OLFM3: variants seen among roughly 807,000 people sequenced by gnomAD.
OLFM3 encodes olfactomedin 3.
Under a neutral mutation model 48.6 loss-of-function variants are expected in OLFM3, and 20 were observed. The ratio of observed to expected loss-of-function variants is 0.41; its 90% CI spans 0.29 to 0.60. The LOEUF is 0.60. OLFM3 is among the 20% of genes least tolerant of loss of function. The pLI is 0.28. For missense variants in OLFM3, 437 were observed against 544.3 expected (o/e 0.80, Z 1.96); for synonymous variants, 222 against 198.1 (o/e 1.12, Z -1.01).
intron 1 of OLFM3, among the ~76,000 whole-genome samples, chr1:101,853,553 A>T (rs1656302379): frequency 6.6e-6 from 1 of 152,070 alleles, no homozygotes; most frequent in African/African-American, 2.4e-5. Flanking sequence ...TGGTTTCTTT[A>T]CTGGGGTATT....
intron 1 of OLFM3, among the ~76,000 whole-genome samples, chr1:101,942,939 T>C (rs995360513): frequency 1.3e-5 from 2 of 152,186 alleles, no homozygotes; most frequent in African/African-American, 4.8e-5. Flanking sequence ...ATTCTATTTA[T>C]TTCATTTTAC....
chr1:101,990,968 G>C (rs1399189149), intron 1 of OLFM3, among the ~76,000 whole-genome samples: 1 of 112,420 alleles, frequency 8.9e-6, no homozygotes, highest in Non-Finnish European at 1.7e-5. Flanking sequence ...CTGGGCGACA[G>C]AGCGAGACTC....
intron 1 of OLFM3, among the ~76,000 whole-genome samples, chr1:101,930,807 G>A (rs1435860508): frequency 1.3e-5 from 2 of 152,180 alleles, no homozygotes; most frequent in Non-Finnish European, 2.9e-5. Context: ...TTTACCCAGG[G>A]TGGACAGTTA....
At chr1:101,866,437 T>A (rs1031810326) in intron 1 of OLFM3, among the ~76,000 whole-genome samples, 1 of 152,044 alleles carries the variant, frequency 6.6e-6, no homozygotes, top group African/African-American at 2.4e-5. Flanking sequence ...TAAAAATACA[T>A]AATGCCACAT....
intron 3 of OLFM3, among the ~76,000 whole-genome samples, chr1:101,828,069 T>TCTCTCTCTCTCTCG (rs1654969358): frequency 6.6e-6 from 1 of 151,520 alleles, no homozygotes; most frequent in African/African-American, 2.4e-5. Flanking sequence ...TCTCTCTGTC[T>TCTCTCTCTCTCTCG]CTCTCTCTCT....
chr1:101,848,190 A>C (rs989991767), intron 1 of OLFM3, among the ~76,000 whole-genome samples: 1 of 152,200 alleles, frequency 6.6e-6, no homozygotes, highest in Non-Finnish European at 1.5e-5. Context: ...TAAAGTAAAA[A>C]TATAAAGAGA....
chr1:101,910,496 A>G (rs568311883), intron 1 of OLFM3, among the ~76,000 whole-genome samples: 2 of 137,702 alleles, frequency 1.5e-5, no homozygotes, highest in South Asian at 2.3e-4. Flanking sequence ...AAAGAAGAAA[A>G]AAAGTACATT....
At chr1:101,805,405 A>C (rs1455270554) in intron 5 of OLFM3, among the ~76,000 whole-genome samples, 1 of 151,874 alleles carries the variant, frequency 6.6e-6, no homozygotes, top group Non-Finnish European at 1.5e-5. Flanking sequence ...GCCTGTAAGT[A>C]CAACTACATT....
At chr1:101,937,978 C>A (rs759250777) in intron 1 of OLFM3, among the ~76,000 whole-genome samples, 7 of 152,250 alleles carry the variant, frequency 4.6e-5, no homozygotes, top group South Asian at 2.1e-4. Flanking sequence ...CTATTTATTG[C>A]TTTCCCTTGA....
At chr1:101,829,138 C>T (rs960996556) in intron 3 of OLFM3, among the ~76,000 whole-genome samples, 4 of 152,278 alleles carry the variant, frequency 2.6e-5, no homozygotes, top group African/African-American at 9.6e-5. Flanking sequence ...GGGCCAACCG[C>T]ACCTTGTATA....
At chr1:101,845,299 G>A (rs1266511846) in intron 1 of OLFM3, among the ~76,000 whole-genome samples, 2 of 151,726 alleles carry the variant, frequency 1.3e-5, no homozygotes, top group African/African-American at 4.8e-5. Flanking sequence ...CAATCAGTAA[G>A]TAAAGATATT....
chr1:101,821,738 T>C (rs1400144255), intron 4 of OLFM3, among the ~76,000 whole-genome samples: 1 of 152,114 alleles, frequency 6.6e-6, no homozygotes, highest in Non-Finnish European at 1.5e-5. Context: ...ATTTATGAAA[T>C]GTGGGAACTA....
chr1:101,929,867 T>C (rs1659393961), intron 1 of OLFM3, among the ~76,000 whole-genome samples: 1 of 152,096 alleles, frequency 6.6e-6, no homozygotes, highest in Admixed American at 6.6e-5. Flanking sequence ...CATTTTAAAG[T>C]ACATGTAGAA....
intron 1 of OLFM3, chr1:101,882,882 T>A (rs942014858): frequency 3.3e-5 from 5 of 151,968 alleles, no homozygotes; most frequent in African/African-American, 1.2e-4. Flanking sequence ...TGTTTTACAG[T>A]AACAACAGTA....
intron 1 of OLFM3, among the ~76,000 whole-genome samples, chr1:101,989,486 A>C (rs78872650): frequency 0.027 from 4,059 of 152,268 alleles, 69 homozygotes; most frequent in Admixed American, 0.034. Context: ...GAGATAAATT[A>C]AACCTCATTA....
intron 1 of OLFM3, among the ~76,000 whole-genome samples, chr1:101,909,009 A>T (rs945994272): frequency 2.6e-5 from 4 of 152,250 alleles, no homozygotes; most frequent in African/African-American, 9.6e-5. Flanking sequence ...ACAGGAAGTG[A>T]ACATACAGGT....
chr1:101,915,890 C>G (rs527313260), intron 1 of OLFM3, among the ~76,000 whole-genome samples: 1 of 152,242 alleles, frequency 6.6e-6, no homozygotes, highest in South Asian at 2.1e-4. Context: ...ATTAGCACAG[C>G]TATTAATAAT....
At chr1:101,868,078 T>C (rs78397595) in intron 1 of OLFM3, among the ~76,000 whole-genome samples, 17,497 of 151,976 alleles carry the variant, frequency 0.12, 1,102 homozygotes, top group Non-Finnish European at 0.13. Flanking sequence ...GAACTGTGAG[T>C]CAGTTAAATC....
At chr1:101,942,957 T>G (rs931060432) in intron 1 of OLFM3, among the ~76,000 whole-genome samples, 1 of 152,032 alleles carries the variant, frequency 6.6e-6, no homozygotes, top group African/African-American at 2.4e-5. Flanking sequence ...TACCTTAGAG[T>G]TGAATGATTT....
Sources: allele counts gnomAD v4.1 joint callset (sites outside exome capture counted in the v4.1 genomes callset), GRCh38; gene constraint gnomAD v4.1.1; transcripts MANE v1.5; gene names NCBI Gene and HGNC (gene_info 2026-07-23, HGNC 2026-07-21).